Variants in PTPRA observed in about 807,000 individuals in gnomAD.
PTPRA encodes the protein protein tyrosine phosphatase receptor type A, also known as receptor-type tyrosine-protein phosphatase alpha.
PTPRA carries 25 observed loss-of-function variants against 104.8 expected under a neutral mutation model. The ratio of observed to expected loss-of-function variants is 0.24; its 90% confidence interval spans 0.17 to 0.33. PTPRA has a LOEUF of 0.33. Among genes scored for constraint, PTPRA ranks in the 10% least tolerant of loss-of-function variants. PTPRA has a pLI of 1.00. For synonymous variants in PTPRA, 323 were observed against 368.9 expected (o/e 0.88, Z 1.43); for missense variants, 765 against 1,015.3 (o/e 0.75, Z 3.35).
chr20:2,936,325 C>A (rs1047717455), intron 2 of PTPRA, among the ~76,000 whole-genome samples: 2 of 151,766 alleles, frequency 1.3e-5, no homozygotes, highest in Non-Finnish European at 2.9e-5. Context: ...ATAGTTGGGT[C>A]TTTTCTTTTC....
chr20:2,912,781 C>T (rs773665289), intron 1 of PTPRA, among the ~76,000 whole-genome samples: 5 of 152,194 alleles, frequency 3.3e-5, no homozygotes, highest in Middle Eastern at 3.2e-3. Context: ...ACATTTCCAA[C>T]ATCACAAAAG....
intron 1 of PTPRA, among the ~76,000 whole-genome samples, chr20:2,898,456 C>T (rs1017075047): frequency 6.6e-6 from 1 of 151,520 alleles, no homozygotes; most frequent in South Asian, 2.1e-4. Flanking sequence ...TCAGGTGATC[C>T]GCCCGCCTTG....
intron 6 of PTPRA, among the ~76,000 whole-genome samples, chr20:2,976,919 G>A (rs2062456979): frequency 1.3e-5 from 2 of 152,278 alleles, no homozygotes; most frequent in Admixed American, 1.3e-4. Context: ...AAATGAGAGG[G>A]AGGGCAACTT....
At chr20:2,876,819 A>G (rs1020415596) in intron 1 of PTPRA, among the ~76,000 whole-genome samples, 7 of 152,180 alleles carry the variant, frequency 4.6e-5, no homozygotes, top group African/African-American at 1.7e-4. Context: ...AGCTGGATAG[A>G]TGATCTTTGG....
chr20:2,952,080 A>G (rs1193873314), intron 3 of PTPRA, among the ~76,000 whole-genome samples: 1 of 151,894 alleles, frequency 6.6e-6, no homozygotes, highest in Admixed American at 6.6e-5. Flanking sequence ...AGATTGCACC[A>G]CGGCACTCCA....
intron 9 of PTPRA, among the ~76,000 whole-genome samples, chr20:2,994,584 A>T (rs1021602060): frequency 6.6e-6 from 1 of 152,194 alleles, no homozygotes; most frequent in Non-Finnish European, 1.5e-5. Flanking sequence ...TCAGCAAGGC[A>T]TGTGATGTGG....
At chr20:2,989,175 C>T (rs189110558) in intron 9 of PTPRA, among the ~76,000 whole-genome samples, 1 of 152,350 alleles carries the variant, frequency 6.6e-6, no homozygotes, top group Non-Finnish European at 1.5e-5. Context: ...TGACTCACGC[C>T]TGTAATCCCA....
At position 2,988,038 on chromosome 20, in the gene PTPRA, G is replaced by C; in HGVS notation, c.534G>C (p.Lys178Asn). Residue 178 changes from lysine (K) to asparagine (N), a missense_variant, in exon 8 of 24, where the codon AAG becomes AAC. By Grantham distance (94) the Lys-to-Asn change is moderately conservative. This residue lies in a region of PTPRA where 256 missense variants were observed against 248.9 expected (regional missense o/e 1.03). Transcript: ENST00000399903. The stretch of plus-strand genomic sequence containing the variant: ...GTGATCATTTTCTCATTAGGTTTAA[G>C]AAATACAAGCAAGCTGGGAGCCATT... The part of the protein sequence containing the change: ...IIIVLYMLRF[K>N]KYKQAGSHSN... The C allele has an allele frequency of 6.4e-7, 1 of 1,574,782 alleles. No individual in the cohort carries two copies. The highest frequency in any genetic ancestry group is 8.7e-7 in the Non-Finnish European group (1 of 1,144,184).
At chr20:2,989,349 C>A (rs1197058554) in intron 9 of PTPRA, among the ~76,000 whole-genome samples, 1 of 152,098 alleles carries the variant, frequency 6.6e-6, no homozygotes, top group African/African-American at 2.4e-5. Flanking sequence ...AGGAGAATCG[C>A]TTGAACCCAG....
At chr20:2,988,253 C>A in intron 8 of PTPRA, 85 bp from the exon 9 acceptor site, 2 of 1,548,694 alleles carry the variant, frequency 1.3e-6, no homozygotes, top group South Asian at 1.2e-5. Context: ...CAGGCTTGGT[C>A]CATGAGGTAG....
intron 20 of PTPRA, among the ~76,000 whole-genome samples, chr20:3,028,153 C>T (rs940168220): frequency 1.6e-4 from 24 of 151,946 alleles, no homozygotes; most frequent in Admixed American, 6.6e-5. Flanking sequence ...ATACAGTCCC[C>T]CTAGCCTAGC....
chr20:3,035,237 T>A lies in PTPRA; in HGVS notation c.1921-348T>A, dbSNP rs2065737860. Among the ~76,000 whole-genome samples, 1 of 152,192 alleles carries A rather than the reference T, an allele frequency of 6.6e-6. No individual in the cohort carries two copies. The highest frequency in any genetic ancestry group is 2.1e-4 in the South Asian group (1 of 4,828). On this transcript the variant is annotated intron_variant, in intron 20 of 23. Coordinates refer to ENST00000399903, the MANE Select transcript of PTPRA (RefSeq NM_001385305.1). The surrounding 1 kb of genome is among the most constrained non-coding windows in gnomAD (Gnocchi z 5.8). Reference sequence around the variant, plus strand: ...TTCTGAATTAGCAGTCTGGCGGATGTAAGCAGCATTAAATATGAAAACACC... The same window carrying A: ...TTCTGAATTAGCAGTCTGGCGGATGAAAGCAGCATTAAATATGAAAACACC...
intron 1 of PTPRA, among the ~76,000 whole-genome samples, chr20:2,904,439 G>A (rs1404434428): frequency 1.3e-5 from 2 of 152,056 alleles, no homozygotes; most frequent in Non-Finnish European, 1.5e-5. Context: ...GGGAGGCCGA[G>A]GTGGGCGGAT....
chr20:2,894,132 G>C (rs1350704932), intron 1 of PTPRA, among the ~76,000 whole-genome samples: 4 of 152,088 alleles, frequency 2.6e-5, no homozygotes, highest in African/African-American at 9.7e-5. Flanking sequence ...TCAAACAGCA[G>C]AATAATTTTA....
At chr20:2,884,125 G>A (rs2090235339) in intron 1 of PTPRA, among the ~76,000 whole-genome samples, 1 of 151,954 alleles carries the variant, frequency 6.6e-6, no homozygotes, top group African/African-American at 2.4e-5. Flanking sequence ...TACGACATTT[G>A]GCTAACTGGT....
chr20:3,002,578 C>T (rs1484450881), intron 9 of PTPRA, among the ~76,000 whole-genome samples: 2 of 152,124 alleles, frequency 1.3e-5, no homozygotes, highest in South Asian at 2.1e-4. Context: ...CCACCCGCCT[C>T]GGCCTCCCAA....
At chr20:2,992,062 C>T (rs761502598) in intron 9 of PTPRA, among the ~76,000 whole-genome samples, 2 of 152,156 alleles carry the variant, frequency 1.3e-5, no homozygotes, top group Admixed American at 6.6e-5. Flanking sequence ...TATACCAGGC[C>T]GGACTTTTTC....
intron 2 of PTPRA, among the ~76,000 whole-genome samples, chr20:2,933,258 AGTT>A (rs1359919138): frequency 3.3e-5 from 5 of 152,230 alleles, no homozygotes; most frequent in African/African-American, 1.2e-4. Context: ...GAATTTTTTC[AGTT>A]GTTTATCATT....
At chr20:3,023,432 T>C (rs1482871488) in intron 16 of PTPRA, among the ~76,000 whole-genome samples, 1 of 152,186 alleles carries the variant, frequency 6.6e-6, no homozygotes, top group African/African-American at 2.4e-5. Flanking sequence ...TGGAATGTCT[T>C]GGTGTAAAAC....
Sources: gnomAD v4.1 joint callset for allele counts (sites outside exome capture counted in the v4.1 genomes callset) on GRCh38, gnomAD v4.1.1 for gene constraint, gnomAD v4.1.1 regional missense constraint, Gnocchi (gnomAD v3.1) non-coding constraint, MANE v1.5 for transcripts, NCBI Gene and HGNC (gene_info 2026-07-23, HGNC 2026-07-21) for gene names.